SNRK: variants seen among roughly 807,000 people sequenced by gnomAD.
SNRK encodes SNF related kinase, also known as SNF-related serine/threonine-protein kinase.
In SNRK, 3 loss-of-function variants were observed where a neutral mutation model predicts 48.2. The observed-to-expected ratio is 0.06, with a 90% CI of 0.03 to 0.16. The LOEUF (loss-of-function observed/expected upper bound fraction) is 0.16. Among genes scored for constraint, SNRK ranks in the 10% least tolerant of loss-of-function variants. The pLI, the probability that SNRK is intolerant of heterozygous loss-of-function variation, is 1.00. For synonymous variants in SNRK, 376 were observed against 366.1 expected (o/e 1.03, Z -0.31); for missense variants, 627 against 976.0 (o/e 0.64, Z 4.76).
intron 3 of SNRK, among the ~76,000 whole-genome samples, chr3:43,324,414 CAGA>C (rs1430950760): frequency 6.7e-6 from 1 of 150,310 alleles, no homozygotes; most frequent in African/African-American, 2.5e-5. Context: ...GAGGCTGAGG[CAGA>C]AGAATCGCTT....
At chr3:43,291,714 A>G (rs1352793714) in intron 1 of SNRK, among the ~76,000 whole-genome samples, 4 of 152,184 alleles carry the variant, frequency 2.6e-5, no homozygotes, top group African/African-American at 9.7e-5. Flanking sequence ...TACTCTTTCC[A>G]CTGTGCTGTC....
At position 43,347,836 on chromosome 3, in the gene SNRK, A is replaced by G; in HGVS notation, c.1577A>G (p.Tyr526Cys). 6.2e-7 allele frequency: 1 copy of G among 1,614,160 alleles called. No individual in the cohort carries two copies. Among genetic ancestry groups the G allele is most frequent in the South Asian group, 1.1e-5 (1 of 91,078 alleles). The change falls in exon 7 of 7, where the codon TAC (tyrosine) becomes TGC (cysteine). Residue 526 changes from tyrosine to cysteine, a missense_variant. By Grantham distance (194) the Tyr-to-Cys change is radical. This residue lies in a region of SNRK where 98 missense variants were observed against 175.2 expected (regional missense o/e 0.56). Coordinates refer to ENST00000296088, the MANE Select transcript of SNRK (RefSeq NM_017719.5). This position sits in a 1 kb window ranked among gnomAD's most constrained non-coding sequence, Gnocchi z 5.4. ...IASPGTVHKR[Y>C]HRRKSQGRGS... Reference sequence around the variant, plus strand: ...TCTCCAGGTACAGTTCACAAACGCTACCACCGGAGGAAAAGTCAGGGCCGG... The same window carrying G: ...TCTCCAGGTACAGTTCACAAACGCTGCCACCGGAGGAAAAGTCAGGGCCGG...
At chr3:43,292,152 G>A (rs1347739931) in intron 1 of SNRK, among the ~76,000 whole-genome samples, 1 of 152,128 alleles carries the variant, frequency 6.6e-6, no homozygotes, top group Non-Finnish European at 1.5e-5. Context: ...CCATGGTTTT[G>A]CTTTACTCGT....
chr3:43,340,255 T>G, intron 4 of SNRK, 32 bp from the exon 5 acceptor site: 1 of 1,544,910 alleles, frequency 6.5e-7, no homozygotes, highest in South Asian at 1.1e-5. Flanking sequence ...GCAAGCAGTT[T>G]GCTTTAACAA....
chr3:43,338,374 A>T (rs1198869707), intron 4 of SNRK, among the ~76,000 whole-genome samples: 1 of 152,158 alleles, frequency 6.6e-6, no homozygotes, highest in Non-Finnish European at 1.5e-5. Context: ...ATTGACAGTT[A>T]TTTTCTCTCA....
At position 43,349,303 on chromosome 3, in the gene SNRK, A is replaced by T. The variant is rs1356906912; in HGVS notation, c.*746A>T. ...TCTTATTTTGTAATGTGATGAAGTG[A>T]TGATGTCTTAACTCTACTTAGAGAG... On this transcript the variant is annotated 3_prime_UTR_variant, in exon 7 of 7. Transcript: ENST00000296088. 6.5e-6 allele frequency: 1 copy of T among 152,680 alleles called. No individual in the cohort carries two copies. The highest frequency in any genetic ancestry group is 1.9e-4 in the East Asian group (1 of 5,206). 9.5% of individuals were successfully genotyped at this position (152,680 alleles called of 1,614,324 possible). A position where few individuals can be genotyped will look rare whatever the true frequency, so the allele number is the denominator to read the frequency against.
At chr3:43,341,933 T>C (rs74952108) in intron 5 of SNRK, among the ~76,000 whole-genome samples, 4,801 of 152,346 alleles carry the variant, frequency 0.032, 249 homozygotes, top group African/African-American at 0.11. Context: ...AAATGTATTA[T>C]GGTTCTTTAC....
rs763810606 is a variant in SNRK at position 43,347,882 on chromosome 3, G to C, written c.1623G>C (p.Ser541=). The part of the protein sequence containing the change: ...SQGRGSSCSS[S]ETSDDDSESR... ...GCCGGGGCTCCAGCTGCAGTAGTTC[G>C]GAGACCAGTGATGATGATTCTGAAA... Residue 541 remains serine, a synonymous_variant, in exon 7 of 7, where the codon TCG becomes TCC. Transcript: ENST00000296088. This position sits in a 1 kb window ranked among gnomAD's most constrained non-coding sequence, Gnocchi z 5.4. 1.2e-6 allele frequency: 2 copies of C among 1,614,154 alleles called. No homozygotes were observed. Among genetic ancestry groups the C allele is most frequent in the African/African-American group, 2.7e-5 (2 of 75,036 alleles).
At chr3:43,336,303 GCTCTCTCCCTC>G (rs2091188118) in intron 4 of SNRK, among the ~76,000 whole-genome samples, 1 of 64,036 alleles carries the variant, frequency 1.6e-5, no homozygotes, top group African/African-American at 3.7e-5. Context: ...TCCCTCCCTT[GCTCTCTCCCTC>G]TGTCCGCCTT....
intron 4 of SNRK, chr3:43,333,324 AT>A (rs1243944837): frequency 7.7e-6 from 1 of 130,158 alleles, no homozygotes; most frequent in Non-Finnish European, 1.6e-5. Context: ...GCGCCACTGC[AT>A]TCCAGCCTGG....
intron 3 of SNRK, among the ~76,000 whole-genome samples, chr3:43,316,575 A>G (rs564884678): frequency 1.3e-5 from 2 of 152,194 alleles, no homozygotes; most frequent in Non-Finnish European, 2.9e-5. Flanking sequence ...TAACTTCTTT[A>G]AAGAGTAAAC....
At chr3:43,329,984 A>T (rs2091133992) in intron 3 of SNRK, among the ~76,000 whole-genome samples, 1 of 152,208 alleles carries the variant, frequency 6.6e-6, no homozygotes. Context: ...AAGAGGTAAA[A>T]AACCAAACTA....
chr3:43,342,526 T>C (rs1303256421), intron 5 of SNRK, among the ~76,000 whole-genome samples: 1 of 152,192 alleles, frequency 6.6e-6, no homozygotes, highest in Non-Finnish European at 1.5e-5. Flanking sequence ...TTTTGAAAAA[T>C]GGTGTCTCTT....
At chr3:43,314,783 G>A (rs1323636071) in intron 3 of SNRK, among the ~76,000 whole-genome samples, 2 of 152,206 alleles carry the variant, frequency 1.3e-5, no homozygotes, top group African/African-American at 4.8e-5. Context: ...CGTAGTGTGT[G>A]CCTATAGCCC....
intron 1 of SNRK, among the ~76,000 whole-genome samples, chr3:43,292,718 C>A (rs1317769782): frequency 6.6e-6 from 1 of 152,224 alleles, no homozygotes; most frequent in Non-Finnish European, 1.5e-5. Flanking sequence ...TTCCTCTACT[C>A]CTGTTGAAGG....
At chr3:43,317,523 C>A (rs965422146) in intron 3 of SNRK, among the ~76,000 whole-genome samples, 1 of 152,182 alleles carries the variant, frequency 6.6e-6, no homozygotes, top group African/African-American at 2.4e-5. Context: ...TATTTAGAGA[C>A]CTTCCATTTC....
intron 1 of SNRK, 63 bp downstream of exon 1, chr3:43,286,738 T>C (rs979792303): frequency 6.8e-6 from 1 of 147,406 alleles, no homozygotes; most frequent in Non-Finnish European, 1.5e-5. Context: ...GGGGCCGGCC[T>C]CCGCCGCCTC....
chr3:43,304,312 C>T (rs932348581), intron 3 of SNRK, among the ~76,000 whole-genome samples: 2 of 152,134 alleles, frequency 1.3e-5, no homozygotes, highest in Non-Finnish European at 1.5e-5. Context: ...AGGTGTAGCA[C>T]TCCCATATTA....
Position 43,296,415 on chromosome 3 carries a change from C to CATATATATATATATATACATAT in SNRK, c.-168-3322_-168-3321insCATATATATATATATATATATA, listed in dbSNP as rs1553632570. Among the ~76,000 whole-genome samples the CATATATATATATATATACATAT allele has an allele frequency of 1.3e-4, 16 of 127,216 alleles. No individual in the cohort carries two copies. In the South Asian group the frequency reaches 3.8e-3, roughly 30 times the overall value. 83.5% of individuals were successfully genotyped at this position (127,216 alleles called of 152,430 possible). ...TGTTTGTATTAGATGGATATACTGG[C>CATATATATATATATATACATAT]ATATATATATATATATATGTATATA... On this transcript the variant is annotated intron_variant, in intron 1 of 6. Coordinates refer to ENST00000296088, the MANE Select transcript of SNRK (RefSeq NM_017719.5).
Sources: gnomAD v4.1 joint callset for allele counts (sites outside exome capture counted in the v4.1 genomes callset) on GRCh38, gnomAD v4.1.1 for gene constraint, gnomAD v4.1.1 regional missense constraint, Gnocchi (gnomAD v3.1) non-coding constraint, MANE v1.5 for transcripts, NCBI Gene and HGNC (gene_info 2026-07-23, HGNC 2026-07-21) for gene names.